Variants in SEMA6A observed in about 807,000 individuals in gnomAD.
SEMA6A encodes the protein semaphorin-6A.
SEMA6A carries 25 observed loss-of-function variants against 96.8 expected under a neutral mutation model. The ratio of observed to expected loss-of-function variants is 0.26; its 90% CI spans 0.19 to 0.36. The LOEUF (loss-of-function observed/expected upper bound fraction) is 0.36. Among genes scored for constraint, SEMA6A ranks in the 10% least tolerant of loss-of-function variants. SEMA6A has a pLI of 1.00. For synonymous variants in SEMA6A, 612 were observed against 518.0 expected, an observed-to-expected ratio of 1.18 and a Z score of -2.46; for missense variants, 1,363 against 1,323.1, an observed-to-expected ratio of 1.03 and a Z score of -0.47.
intron 1 of SEMA6A, among the ~76,000 whole-genome samples, chr5:116,538,324 T>TAA (rs1428596293): frequency 1.3e-5 from 2 of 152,234 alleles, no homozygotes; most frequent in African/African-American, 2.4e-5. Flanking sequence ...GTTGATCCTT[T>TAA]AAAAGCATTT....
At chr5:116,505,771 T>A (rs1758117972) in intron 1 of SEMA6A, among the ~76,000 whole-genome samples, 1 of 152,094 alleles carries the variant, frequency 6.6e-6, no homozygotes, top group African/African-American at 2.4e-5. Context: ...ATGTCAGATA[T>A]ACTGTTCTAC....
chr5:116,481,220 T>G (rs963835876), intron 11 of SEMA6A, among the ~76,000 whole-genome samples: 4 of 152,206 alleles, frequency 2.6e-5, no homozygotes, highest in Non-Finnish European at 5.9e-5. Context: ...TGGTATTGGT[T>G]GAGTGACACC....
chr5:116,479,872 G>A (rs1756663017), intron 12 of SEMA6A, among the ~76,000 whole-genome samples: 1 of 152,150 alleles, frequency 6.6e-6, no homozygotes, highest in Non-Finnish European at 1.5e-5. Flanking sequence ...AATCCAGAAG[G>A]AAAGGTATTT....
chr5:116,446,577 C>A lies in SEMA6A; in HGVS notation c.*36G>T. Reference sequence around the variant, plus strand: ...TGAGCTGAGCGGGCACCTCGCCTTGCCTGCTGGTTCGACACCTGACCCCCT... The same window carrying A: ...TGAGCTGAGCGGGCACCTCGCCTTGACTGCTGGTTCGACACCTGACCCCCT... On this transcript the variant is annotated 3_prime_UTR_variant, in exon 19 of 19. Coordinates refer to ENST00000343348, the MANE Select transcript of SEMA6A (RefSeq NM_020796.5). 1 of 1,448,862 alleles carries A rather than the reference C, an allele frequency of 6.9e-7. No individual in the cohort carries two copies. The highest frequency in any genetic ancestry group is 9.1e-7 in the Non-Finnish European group (1 of 1,095,502). 89.8% of individuals were successfully genotyped at this position (1,448,862 alleles called of 1,614,324 possible). A position where few individuals can be genotyped will look rare whatever the true frequency, so the allele number is the denominator to read the frequency against.
At chr5:116,510,187 T>C (rs952974783) in intron 1 of SEMA6A, among the ~76,000 whole-genome samples, 20 of 152,182 alleles carry the variant, frequency 1.3e-4, no homozygotes, top group African/African-American at 4.1e-4. Context: ...TTCAAGTAGA[T>C]AAGCAGTTCT....
At chr5:116,461,174 T>A (rs1032591714) in intron 18 of SEMA6A, among the ~76,000 whole-genome samples, 1 of 152,162 alleles carries the variant, frequency 6.6e-6, no homozygotes, top group African/African-American at 2.4e-5. Context: ...ACCTTCAAAA[T>A]CAGAAATAAG....
At chr5:116,512,854 A>C (rs1758482044) in intron 1 of SEMA6A, among the ~76,000 whole-genome samples, 1 of 152,176 alleles carries the variant, frequency 6.6e-6, no homozygotes, top group African/African-American at 2.4e-5. Context: ...GTATTGTGGC[A>C]AACTCTGTCT....
In SEMA6A at chr5:116,499,647, T is replaced by A. The variant is rs565005770; in HGVS notation, c.219-2260A>T. Among the ~76,000 whole-genome samples, 7 of 152,324 alleles carry A rather than the reference T, an allele frequency of 4.6e-5. No homozygotes were observed. The South Asian group carries it at 1.4e-3, about 32-fold the overall frequency. ...AGGTTGTCTGTTGAGAGGAAGTGGC[T>A]GCGTATGGTGTGAAAACAAACATGT... On this transcript the variant is annotated intron_variant, in intron 3 of 18. Transcript: ENST00000343348.
At chr5:116,479,815 T>A (rs1366806322) in intron 12 of SEMA6A, among the ~76,000 whole-genome samples, 1 of 152,186 alleles carries the variant, frequency 6.6e-6, no homozygotes, top group Non-Finnish European at 1.5e-5. Flanking sequence ...ATTCACTGGT[T>A]CTCCTTCACT....
At chr5:116,546,440 C>T (rs1760189126) in intron 1 of SEMA6A, among the ~76,000 whole-genome samples, 1 of 152,234 alleles carries the variant, frequency 6.6e-6, no homozygotes, top group Non-Finnish European at 1.5e-5. Context: ...TGTATGTGTC[C>T]TCACATCTTG....
chr5:116,476,325 G>A (rs1218469743), intron 15 of SEMA6A, among the ~76,000 whole-genome samples: 1 of 152,066 alleles, frequency 6.6e-6, no homozygotes, highest in Admixed American at 6.5e-5. Context: ...TTCCTTTGGG[G>A]GCACTTTGTA....
intron 1 of SEMA6A, among the ~76,000 whole-genome samples, chr5:116,531,015 G>T (rs1214253547): frequency 6.6e-6 from 1 of 152,146 alleles, no homozygotes; most frequent in Non-Finnish European, 1.5e-5. Context: ...TAACTAGTAA[G>T]TTGGGGAACA....
chr5:116,521,450 T>G (rs1758943407), intron 1 of SEMA6A, among the ~76,000 whole-genome samples: 2 of 152,210 alleles, frequency 1.3e-5, no homozygotes, highest in South Asian at 2.1e-4. Flanking sequence ...AACGGGGCTG[T>G]GCAGTCAGCC....
At chr5:116,465,093 C>A (rs1347765103) in intron 18 of SEMA6A, among the ~76,000 whole-genome samples, 2 of 152,160 alleles carry the variant, frequency 1.3e-5, no homozygotes, top group Non-Finnish European at 2.9e-5. Flanking sequence ...CCGTCACAGG[C>A]CCTTAGAAAA....
At chr5:116,471,781 A>G (rs138327334) in intron 17 of SEMA6A, 5 of 152,336 alleles carry the variant, frequency 3.3e-5, no homozygotes, top group African/African-American at 1.2e-4. Context: ...AAGGCTATTT[A>G]TGTATGCTAA....
chr5:116,538,514 A>C (rs1285646252), intron 1 of SEMA6A, among the ~76,000 whole-genome samples: 1 of 152,168 alleles, frequency 6.6e-6, no homozygotes, highest in East Asian at 1.9e-4. Context: ...CATGTTTTCC[A>C]AGGTACTTCT....
At chr5:116,473,126 A>G in intron 16 of SEMA6A, 33 bp from the exon 17 acceptor site, 1 of 1,581,502 alleles carries the variant, frequency 6.3e-7, no homozygotes, top group Non-Finnish European at 8.6e-7. Context: ...AGGTTACTTA[A>G]TGTTTTACGC....
chr5:116,572,321 C>G lies in SEMA6A; in HGVS notation c.-39+1864G>C, dbSNP rs563552749. ...GCTGAGCGTAAAAAAAGGAGCGATC[C>G]CACTGTGGCTGTGCCTGGCCACCGC... On this transcript the variant is annotated intron_variant, in intron 1 of 18. Coordinates refer to ENST00000343348, the MANE Select transcript of SEMA6A (RefSeq NM_020796.5). 2.0e-5 allele frequency among the ~76,000 whole-genome samples: 3 copies of G among 152,334 alleles called. No individual in the cohort carries two copies. In the East Asian group the frequency reaches 5.8e-4, roughly 29 times the overall value.
At chr5:116,475,469 G>A in intron 16 of SEMA6A, 76 bp downstream of exon 16, 1 of 965,844 alleles carries the variant, frequency 1.0e-6, no homozygotes. Context: ...AGTTCCACAT[G>A]TGAGCTGATG....
Sources: gnomAD v4.1 joint callset for allele counts (sites outside exome capture counted in the v4.1 genomes callset) on GRCh38, gnomAD v4.1.1 for gene constraint, MANE v1.5 for transcripts, NCBI Gene and HGNC (gene_info 2026-07-23, HGNC 2026-07-21) for gene names.